RGS6: variants seen among roughly 807,000 people sequenced by gnomAD.
RGS6 encodes the protein regulator of G-protein signaling 6.
RGS6 carries 30 observed loss-of-function variants against 78.5 expected under a neutral mutation model. The observed-to-expected ratio is 0.38, with a 90% CI of 0.29 to 0.52. The LOEUF is 0.52. Ranked by LOEUF, RGS6 falls within the 20% of genes least tolerant of loss-of-function variation. The probability of loss-of-function intolerance (pLI) is 0.85; values close to 1 mark genes in which losing one functional copy is unlikely to be tolerated. For missense variants in RGS6, 495 were observed against 609.7 expected (o/e 0.81, Z 1.98); for synonymous variants, 206 against 206.0 (o/e 1.00, Z 0.00).
intron 3 of RGS6, among the ~76,000 whole-genome samples, chr14:72,357,495 C>T (rs973287488): frequency 3.3e-5 from 5 of 152,098 alleles, no homozygotes; most frequent in African/African-American, 1.2e-4. Context: ...CAATAAAGTC[C>T]AGGCTGAGGT....
intron 2 of RGS6, among the ~76,000 whole-genome samples, chr14:72,273,761 G>A (rs933881970): frequency 1.8e-4 from 27 of 152,174 alleles, no homozygotes; most frequent in African/African-American, 6.5e-4. Flanking sequence ...ATCTTTGGGT[G>A]GCTGTGAGCA....
At chr14:72,368,912 T>C (rs1375527859) in intron 3 of RGS6, among the ~76,000 whole-genome samples, 3 of 152,218 alleles carry the variant, frequency 2.0e-5, no homozygotes, top group African/African-American at 7.2e-5. Context: ...ACATTAAGTA[T>C]CTTCATATGG....
intron 2 of RGS6, among the ~76,000 whole-genome samples, chr14:72,080,280 G>A (rs529565408): frequency 6.6e-6 from 1 of 152,050 alleles, no homozygotes; most frequent in South Asian, 2.1e-4. Context: ...TTCCTGATTA[G>A]TGTTGTTATT....
intron 3 of RGS6, among the ~76,000 whole-genome samples, chr14:72,355,847 G>A (rs2080151084): frequency 1.3e-5 from 2 of 152,188 alleles, no homozygotes; most frequent in Admixed American, 1.3e-4. Context: ...CAGACAGCCA[G>A]AGCTCAGTGC....
chr14:72,061,696 CT>C (rs1448642391), intron 2 of RGS6, among the ~76,000 whole-genome samples: 1 of 151,816 alleles, frequency 6.6e-6, no homozygotes, highest in East Asian at 1.9e-4. Flanking sequence ...TATGAGTTAT[CT>C]TTTATTGTTC....
At chr14:72,530,922 C>T (rs923261023) in intron 15 of RGS6, among the ~76,000 whole-genome samples, 5 of 152,190 alleles carry the variant, frequency 3.3e-5, no homozygotes, top group South Asian at 2.1e-4. Flanking sequence ...AAATTCCAAC[C>T]GGCATTTCAG....
chr14:72,177,042 T>G (rs1003834427), intron 2 of RGS6, among the ~76,000 whole-genome samples: 2 of 152,242 alleles, frequency 1.3e-5, no homozygotes, highest in African/African-American at 2.4e-5. Flanking sequence ...TTTATGAAAT[T>G]TATCCAAGAT....
intron 3 of RGS6, among the ~76,000 whole-genome samples, chr14:72,371,747 G>A (rs2152837673): frequency 6.6e-6 from 1 of 152,302 alleles, no homozygotes; most frequent in Non-Finnish European, 1.5e-5. Flanking sequence ...GGCAACAAGA[G>A]TGAAACTCCA....
intron 2 of RGS6, among the ~76,000 whole-genome samples, chr14:72,312,001 G>A (rs975792544): frequency 1.3e-5 from 2 of 152,118 alleles, no homozygotes; most frequent in Non-Finnish European, 2.9e-5. Flanking sequence ...CCAGCCTTAG[G>A]ATTTCTGGTA....
At chr14:72,590,223 G>A in the RGS6 span, among the ~76,000 whole-genome samples, 1 of 152,346 alleles carries the variant, frequency 6.6e-6, no homozygotes, top group South Asian at 2.1e-4. Context: ...TTGGAGAAGA[G>A]TTTGGTAAGT....
At chr14:72,569,471 G>A (rs2097717756), downstream of RGS6, among the ~76,000 whole-genome samples, 1 of 152,120 alleles carries the variant, frequency 6.6e-6, no homozygotes, top group South Asian at 2.1e-4. Flanking sequence ...CCTGAGGTCA[G>A]GAGTTTGAGG....
intron 2 of RGS6, among the ~76,000 whole-genome samples, chr14:72,023,880 G>A (rs1250406848): frequency 6.6e-6 from 1 of 152,192 alleles, no homozygotes; most frequent in Admixed American, 6.5e-5. Flanking sequence ...GGATTTCACA[G>A]AGAGAGGGAG....
intron 2 of RGS6, among the ~76,000 whole-genome samples, chr14:72,198,043 G>A (rs939431973): frequency 2.2e-4 from 33 of 152,046 alleles, no homozygotes; most frequent in African/African-American, 7.5e-4. Flanking sequence ...ATAAGAATAA[G>A]TACTTGTTGT....
At chr14:72,423,183 A>G (rs1284015973) in intron 3 of RGS6, among the ~76,000 whole-genome samples, 1 of 152,176 alleles carries the variant, frequency 6.6e-6, no homozygotes, top group Non-Finnish European at 1.5e-5. Flanking sequence ...GATGGAAAAG[A>G]ATCTTTTTAG....
At position 72,510,161 on chromosome 14, in the gene RGS6, C is replaced by A. The variant is rs201450581; in HGVS notation, c.973C>A (p.Pro325Thr). 11 of 1,607,342 alleles carry A rather than the reference C, an allele frequency of 6.8e-6. No homozygotes were observed. The highest frequency in any genetic ancestry group is 9.3e-6 in the Non-Finnish European group (11 of 1,177,542). Residue 325 changes from proline to threonine, a missense_variant, in exon 14 of 18, where the codon CCC (proline) becomes ACC (threonine). Coordinates refer to ENST00000553525, the MANE Select transcript of RGS6 (RefSeq NM_001204424.2). Reference protein sequence around the residue: ...ALWDIEMSKEPSQQRVKRWGF... With the variant: ...ALWDIEMSKETSQQRVKRWGF... ...TCTTCCTTCACCCCAAAGCAAAGAG[C>A]CCAGCCAACAGCGAGTAAAAAGATG... is the stretch of plus-strand genomic sequence containing the variant.
chr14:72,555,204 T>C (rs917385373), intron 17 of RGS6, among the ~76,000 whole-genome samples: 1 of 152,208 alleles, frequency 6.6e-6, no homozygotes, highest in Admixed American at 6.5e-5. Context: ...CCTGGGGCAT[T>C]TGCCATGTGT....
At chr14:72,078,181 G>C (rs1385047885) in intron 2 of RGS6, among the ~76,000 whole-genome samples, 1 of 152,090 alleles carries the variant, frequency 6.6e-6, no homozygotes, top group Non-Finnish European at 1.5e-5. Flanking sequence ...GTTCTCATGG[G>C]ATCTGGTTGT....
intron 2 of RGS6, among the ~76,000 whole-genome samples, chr14:72,277,748 T>C (rs188444575): frequency 4.9e-3 from 747 of 152,092 alleles, no homozygotes; most frequent in Non-Finnish European, 8.2e-3. Flanking sequence ...GTCGACATGG[T>C]GAAACCCCGT....
intron 2 of RGS6, among the ~76,000 whole-genome samples, chr14:72,029,206 G>A (rs760086098): frequency 9.9e-5 from 15 of 152,252 alleles, no homozygotes; most frequent in Admixed American, 2.6e-4. Context: ...TTGGAGCCCC[G>A]TAGTATAGTT....
Sources: allele counts gnomAD v4.1 joint callset (sites outside exome capture counted in the v4.1 genomes callset), GRCh38; gene constraint gnomAD v4.1.1; transcripts MANE v1.5; gene names NCBI Gene and HGNC (gene_info 2026-07-23, HGNC 2026-07-21).